The following APBA2 variants were observed in gnomAD, a reference collection of about 807,000 sequenced individuals.
APBA2 encodes the protein amyloid beta precursor protein binding family A member 2, also known as amyloid-beta A4 precursor protein-binding family A member 2.
In APBA2, 30 loss-of-function variants were observed where a neutral mutation model predicts 75.0. The observed-to-expected ratio is 0.40, with a 90% CI of 0.30 to 0.54. APBA2 has a LOEUF of 0.54. APBA2 is among the 20% of genes least tolerant of loss of function. APBA2 has a pLI of 0.49. For missense variants in APBA2, 801 were observed against 1,016.1 expected (o/e 0.79, Z 2.88); for synonymous variants, 444 against 409.6 (o/e 1.08, Z -1.01).
intron 3 of APBA2, among the ~76,000 whole-genome samples, chr15:29,013,131 C>T (rs2039482162): frequency 6.6e-6 from 1 of 152,030 alleles, no homozygotes; most frequent in Non-Finnish European, 1.5e-5. Flanking sequence ...TGGAATTCTT[C>T]AGACATAATA....
At chr15:29,115,163 G>GACA (rs2045014633) in intron 14 of APBA2, among the ~76,000 whole-genome samples, 1 of 149,358 alleles carries the variant, frequency 6.7e-6, no homozygotes, top group African/African-American at 2.5e-5. Context: ...TGGGTCTGGG[G>GACA]ACAGCAGCAG....
At chr15:29,022,912 G>T (rs1272548534) in intron 3 of APBA2, among the ~76,000 whole-genome samples, 3 of 151,938 alleles carry the variant, frequency 2.0e-5, no homozygotes, top group African/African-American at 4.8e-5. Context: ...GTACACTTTT[G>T]TTATGTTCTT....
intron 4 of APBA2, among the ~76,000 whole-genome samples, chr15:29,069,955 G>A (rs748241091): frequency 1.6e-4 from 25 of 152,378 alleles, no homozygotes; most frequent in African/African-American, 2.4e-4. Context: ...AGTGGAGGAC[G>A]TGTGCAGGTG....
chr15:29,087,683 G>T (rs2043349971), intron 6 of APBA2, among the ~76,000 whole-genome samples: 1 of 152,178 alleles, frequency 6.6e-6, no homozygotes, highest in African/African-American at 2.4e-5. Flanking sequence ...GCAGCAGAAG[G>T]TCTCACTTGA....
intron 14 of APBA2, among the ~76,000 whole-genome samples, chr15:29,115,218 C>T (rs114512225): frequency 0.045 from 4,171 of 92,396 alleles, 205 homozygotes; most frequent in African/African-American, 0.16. Context: ...CTCTGTGAGG[C>T]TGAGTGCGTG....
At chr15:28,985,378 G>A (rs981995338) in intron 2 of APBA2, among the ~76,000 whole-genome samples, 5 of 152,148 alleles carry the variant, frequency 3.3e-5, no homozygotes, top group African/African-American at 9.7e-5. Context: ...AAACAACATC[G>A]GGTCCAGATT....
chr15:29,004,778 C>T (rs953634244), intron 3 of APBA2, among the ~76,000 whole-genome samples: 3 of 152,300 alleles, frequency 2.0e-5, no homozygotes, highest in African/African-American at 4.8e-5. Context: ...CTCCTGGGTT[C>T]AAGCAATTCT....
At chr15:29,020,969 C>T (rs1286545358) in intron 3 of APBA2, among the ~76,000 whole-genome samples, 3 of 152,128 alleles carry the variant, frequency 2.0e-5, no homozygotes, top group African/African-American at 7.2e-5. Context: ...AATATATAAG[C>T]GTTCTGGGGG....
intron 4 of APBA2, among the ~76,000 whole-genome samples, chr15:29,056,657 C>G (rs1026933862): frequency 5.1e-4 from 69 of 134,386 alleles, no homozygotes; most frequent in African/African-American, 1.9e-3. Flanking sequence ...CTCTCTCTCT[C>G]TCTCTCTTTC....
At chr15:28,917,096 G>A (rs1416773583) in intron 1 of APBA2, among the ~76,000 whole-genome samples, 1 of 152,196 alleles carries the variant, frequency 6.6e-6, no homozygotes, top group African/African-American at 2.4e-5. Context: ...GGTGGGAAAT[G>A]TGGCAGCCTG....
chr15:29,090,251 CG>C (rs2043494951), intron 6 of APBA2, among the ~76,000 whole-genome samples: 1 of 152,196 alleles, frequency 6.6e-6, no homozygotes, highest in Admixed American at 6.5e-5. Flanking sequence ...GGCCTCATCC[CG>C]GAAGCAGGCA....
chr15:28,963,947 C>A (rs1437029569), intron 2 of APBA2, among the ~76,000 whole-genome samples: 1 of 152,146 alleles, frequency 6.6e-6, no homozygotes, highest in Non-Finnish European at 1.5e-5. Flanking sequence ...CTTCATGTAA[C>A]CACCACCACA....
intron 1 of APBA2, among the ~76,000 whole-genome samples, chr15:28,891,178 CTT>C (rs1315739641): frequency 1.3e-5 from 2 of 152,114 alleles, no homozygotes; most frequent in Non-Finnish European, 2.9e-5. Flanking sequence ...GAGTTTCATC[CTT>C]CTTTGTTTGT....
intron 4 of APBA2, among the ~76,000 whole-genome samples, chr15:29,069,657 G>T (rs1374078552): frequency 1.3e-5 from 2 of 152,204 alleles, no homozygotes; most frequent in Non-Finnish European, 2.9e-5. Context: ...AGGCTGGCAG[G>T]ATCACTGGGT....
intron 3 of APBA2, among the ~76,000 whole-genome samples, chr15:29,052,461 A>AAAAAAAAAAAAAG (rs1555401362): frequency 1.3e-5 from 2 of 151,152 alleles, no homozygotes; most frequent in African/African-American, 4.9e-5. Context: ...TCTCAAAAAA[A>AAAAAAAAAAAAAG]AAAAAAAGAA....
At chr15:29,027,423 G>T (rs1374260018) in intron 3 of APBA2, among the ~76,000 whole-genome samples, 2 of 151,966 alleles carry the variant, frequency 1.3e-5, no homozygotes, top group African/African-American at 4.8e-5. Context: ...TTGGCATAAA[G>T]TTCTGAAAAG....
At chr15:28,911,167 G>A (rs1240069396) in intron 1 of APBA2, among the ~76,000 whole-genome samples, 1 of 152,112 alleles carries the variant, frequency 6.6e-6, no homozygotes, top group African/African-American at 2.4e-5. Flanking sequence ...TCTCTTCGTG[G>A]ATTCTGCATC....
chr15:29,098,972 A>G lies in APBA2; in HGVS notation c.1338+396A>G, dbSNP rs562811042. ...GGCCCTCACATACCCTGATACGGGC[A>G]CAGGGGCGCCCTTCCTCATCCCATG... On this transcript the variant is annotated intron_variant, in intron 9 of 14. Coordinates refer to ENST00000683413, the MANE Select transcript of APBA2 (RefSeq NM_001353788.2). Among the ~76,000 whole-genome samples, 393 of 151,536 alleles carry G rather than the reference A, an allele frequency of 2.6e-3. 1 individual carries two copies. Among genetic ancestry groups the G allele is most frequent in the Admixed American group, 4.4e-3 (67 of 15,268 alleles).
chr15:28,955,905 T>C (rs1187400636), intron 2 of APBA2, among the ~76,000 whole-genome samples: 1 of 152,196 alleles, frequency 6.6e-6, no homozygotes, highest in African/African-American at 2.4e-5. Context: ...GGTTGCTTGC[T>C]CCTGCAGGCA....
Sources: allele counts gnomAD v4.1 joint callset (sites outside exome capture counted in the v4.1 genomes callset), GRCh38; gene constraint gnomAD v4.1.1; transcripts MANE v1.5; gene names NCBI Gene and HGNC (gene_info 2026-07-23, HGNC 2026-07-21).